RBP2: variants seen among roughly 807,000 people sequenced by gnomAD.
RBP2 encodes retinol-binding protein 2.
Under a neutral mutation model 17.0 loss-of-function variants are expected in RBP2, and 17 were observed. That is an observed-to-expected ratio of 1.00 (90% CI 0.68 to 1.50). The LOEUF (loss-of-function observed/expected upper bound fraction) is 1.50, where lower values mean the gene tolerates loss of function less well. Among genes scored for constraint, RBP2 ranks in the 40% most tolerant of loss-of-function variants. The pLI, the probability that RBP2 is intolerant of heterozygous loss-of-function variation, is 0.00. For missense variants in RBP2, 158 were observed against 168.2 expected (o/e 0.94, Z 0.33); for synonymous variants, 48 against 57.1 (o/e 0.84, Z 0.72).
chr3:139,463,476 G>T (rs1286467761), intron 1 of RBP2, among the ~76,000 whole-genome samples: 1 of 152,184 alleles, frequency 6.6e-6, no homozygotes, highest in African/African-American at 2.4e-5. Context: ...ATGAGCCACT[G>T]TGCCCGGCCT....
intron 1 of RBP2, among the ~76,000 whole-genome samples, chr3:139,475,570 A>G (rs1261296042): frequency 6.6e-6 from 1 of 152,148 alleles, no homozygotes; most frequent in Non-Finnish European, 1.5e-5. Flanking sequence ...AGTTCCAGCG[A>G]AGTTACCCCA....
rs950076206 is a variant in RBP2, at chr3:139,475,148, G to A, written c.73+1239C>T. Among the ~76,000 whole-genome samples, 9 of 151,672 alleles carry A rather than the reference G, an allele frequency of 5.9e-5. No individual in the cohort carries two copies. In the South Asian group the frequency reaches 1.5e-3, roughly 25 times the overall value. On this transcript the variant is annotated intron_variant, in intron 1 of 3. Transcript: ENST00000232217. The stretch of plus-strand genomic sequence containing the variant: ...CATCCTGGCTAACATAGTGAAATCC[G>A]TCTCTATTAAAAATACAAAAAATTA...
intron 1 of RBP2, among the ~76,000 whole-genome samples, chr3:139,465,060 T>G (rs1022747702): frequency 6.6e-6 from 1 of 152,238 alleles, no homozygotes; most frequent in Non-Finnish European, 1.5e-5. Context: ...TCTACTTGTC[T>G]AAATATACAT....
chr3:139,453,135 T>G lies in RBP2; in HGVS notation c.386A>C (p.Gln129Pro), dbSNP rs1355732347. The change falls in exon 4 of 4, where the codon CAA becomes CCA. Residue 129 changes from glutamine to proline, a missense_variant. Gln to Pro is a moderately conservative substitution (Grantham distance 76). Transcript: ENST00000232217. ...ELTCGDQVCR[Q>P]VFKKK ...TCGCCATCATTTCTTTTTGAACACT[T>G]GACGGCACACCTGGTCACCACAGGT... 1.2e-6 allele frequency: 2 copies of G among 1,614,144 alleles called. No homozygotes were observed. Among genetic ancestry groups the G allele is most frequent in the Admixed American group, 3.3e-5 (2 of 60,016 alleles).
In RBP2 at chr3:139,464,875, A is replaced by G. The variant is rs184608416; in HGVS notation, c.74-2585T>C. Among the ~76,000 whole-genome samples the G allele has an allele frequency of 2.6e-5, 4 of 152,262 alleles. No individual in the cohort carries two copies. The East Asian group carries it at 7.8e-4, about 30-fold the overall frequency. ...AAAAAAATGCAGATTTCTGGGTCCT[A>G]TCCCAGACCTAGAATCTCTGGGTGG... On this transcript the variant is annotated intron_variant, in intron 1 of 3. Coordinates refer to ENST00000232217, the MANE Select transcript of RBP2 (RefSeq NM_004164.3).
rs565656539 is a variant in RBP2 at position 139,453,173 on chromosome 3, C to T, written c.355-7G>A. ...GGTCACCACAGGTCAGCTCCTGCAACGTCAGAAAGTGGGTGAGGGTCTAAC... is the reference window on the plus strand; with the variant it reads ...GGTCACCACAGGTCAGCTCCTGCAATGTCAGAAAGTGGGTGAGGGTCTAAC... On this transcript the variant is annotated splice_polypyrimidine_tract_variant and splice_region_variant and intron_variant, in intron 3 of 3. Coordinates refer to ENST00000232217, the MANE Select transcript of RBP2 (RefSeq NM_004164.3). 45 of 1,614,096 alleles carry T rather than the reference C, an allele frequency of 2.8e-5. No homozygotes were observed. Among genetic ancestry groups the T allele is most frequent in the Middle Eastern group, 1.7e-4 (1 of 6,058 alleles).
chr3:139,465,051 C>G (rs1933311751), intron 1 of RBP2, among the ~76,000 whole-genome samples: 1 of 152,170 alleles, frequency 6.6e-6, no homozygotes, highest in Admixed American at 6.5e-5. Context: ...AGAGGTCAGT[C>G]TACTTGTCTA....
At chr3:139,459,111 G>C (rs1933091170) in intron 2 of RBP2, among the ~76,000 whole-genome samples, 1 of 152,202 alleles carries the variant, frequency 6.6e-6, no homozygotes, top group East Asian at 1.9e-4. Flanking sequence ...TTTCCAGAGG[G>C]CTTGTAAGGG....
intron 2 of RBP2, among the ~76,000 whole-genome samples, 164 bp downstream of exon 2, chr3:139,461,948 A>G (rs1242338140): frequency 6.6e-6 from 1 of 152,228 alleles, no homozygotes; most frequent in Non-Finnish European, 1.5e-5. Flanking sequence ...TCTTCCTACT[A>G]AACTGTCAAT....
At chr3:139,474,104 G>T (rs1236161002) in intron 1 of RBP2, among the ~76,000 whole-genome samples, 7 of 152,210 alleles carry the variant, frequency 4.6e-5, no homozygotes, top group African/African-American at 1.7e-4. Context: ...TAAATTGGAA[G>T]TTTTGGCTGA....
intron 1 of RBP2, among the ~76,000 whole-genome samples, chr3:139,462,728 C>T (rs1401803618): frequency 6.6e-6 from 1 of 152,144 alleles, no homozygotes. Context: ...AAAGATGAAA[C>T]TTAGGAAACT....
rs374825682 is a variant in RBP2, at chr3:139,454,769, C to T, written c.314G>A (p.Arg105His). ...VCVQKGEKEN[R>H]GWKQWIEGDK... Reference sequence around the variant, plus strand: ...CCCCTCAATCCACTGCTTCCAGCCGCGGTTCTCCTTCTCCCCCTTTTGCAC... The same window carrying T: ...CCCCTCAATCCACTGCTTCCAGCCGTGGTTCTCCTTCTCCCCCTTTTGCAC... Residue 105 changes from arginine (R) to histidine (H), a missense_variant, in exon 3 of 4, where the codon CGC (arginine) becomes CAC (histidine). Physicochemically the swap from Arg to His is conservative, Grantham distance 29 (BLOSUM62 0). Transcript: ENST00000232217. 1.8e-5 allele frequency: 29 copies of T among 1,614,060 alleles called. No individual in the cohort carries two copies. The highest frequency in any genetic ancestry group is 1.6e-4 in the Middle Eastern group (1 of 6,084).
At chr3:139,465,990 A>G (rs1308688269) in intron 1 of RBP2, among the ~76,000 whole-genome samples, 1 of 152,108 alleles carries the variant, frequency 6.6e-6, no homozygotes, top group East Asian at 1.9e-4. Flanking sequence ...CAACATTCCT[A>G]GAGCCCCCAC....
intron 1 of RBP2, among the ~76,000 whole-genome samples, chr3:139,475,972 T>G (rs1222346014): frequency 6.6e-6 from 1 of 152,178 alleles, no homozygotes; most frequent in Non-Finnish European, 1.5e-5. Flanking sequence ...GCTTCCCCAT[T>G]ACAAAACTGA....
rs1295996749 is a variant in RBP2, at chr3:139,476,507, C to A, written c.-48G>T. 1.9e-6 allele frequency: 3 copies of A among 1,541,232 alleles called. No individual in the cohort carries two copies. The African/African-American group carries it at 4.1e-5, about 21-fold the overall frequency. The stretch of plus-strand genomic sequence containing the variant: ...AGGGTTTGTGGTGGATGGCAAGGAG[C>A]AGGCTGCAGGGAGAATACACTGGAA... On this transcript the variant is annotated 5_prime_UTR_variant, in exon 1 of 4. Transcript: ENST00000232217.
At chr3:139,462,558 A>AACACACACACAC (rs59601422) in intron 1 of RBP2, among the ~76,000 whole-genome samples, 3,908 of 121,306 alleles carry the variant, frequency 0.032, 126 homozygotes, top group African/African-American at 0.044. Context: ...GCAGCTCCCC[A>AACACACACACAC]ACACACACAC....
intron 1 of RBP2, among the ~76,000 whole-genome samples, chr3:139,469,158 G>C (rs557112917): frequency 6.6e-6 from 1 of 152,148 alleles, no homozygotes; most frequent in Non-Finnish European, 1.5e-5. Context: ...GCTTTGATGG[G>C]CTTCAAATTT....
At chr3:139,475,646 G>A (rs1018023457) in intron 1 of RBP2, among the ~76,000 whole-genome samples, 2 of 152,184 alleles carry the variant, frequency 1.3e-5, no homozygotes, top group South Asian at 2.1e-4. Context: ...ATAAGGTCAG[G>A]CAGCCAAAGC....
intron 2 of RBP2, among the ~76,000 whole-genome samples, chr3:139,457,575 T>C (rs1317563479): frequency 3.9e-5 from 6 of 152,328 alleles, no homozygotes; most frequent in African/African-American, 1.4e-4. Context: ...ATGATAATAC[T>C]TACAATATTA....
Sources: allele counts gnomAD v4.1 joint callset (sites outside exome capture counted in the v4.1 genomes callset), GRCh38; gene constraint gnomAD v4.1.1; transcripts MANE v1.5; gene names NCBI Gene and HGNC (gene_info 2026-07-23, HGNC 2026-07-21).